Variants in TWSG1 observed in about 807,000 individuals in gnomAD.
TWSG1 encodes the protein twisted gastrulation BMP signaling modulator 1.
In TWSG1, 15 loss-of-function variants were observed where a neutral mutation model predicts 23.0. That is an observed-to-expected ratio of 0.65 (90% CI 0.44 to 1.00). The LOEUF is 1.00. Among genes scored for constraint, TWSG1 ranks in the 50% least tolerant of loss-of-function variants. The pLI is 0.00. For missense variants in TWSG1, 242 were observed against 278.7 expected (o/e 0.87, Z 0.94); for synonymous variants, 86 against 92.8 (o/e 0.93, Z 0.42).
At chr18:9,375,324 A>G (rs1215548086) in intron 3 of TWSG1, among the ~76,000 whole-genome samples, 1 of 152,220 alleles carries the variant, frequency 6.6e-6, no homozygotes, top group Non-Finnish European at 1.5e-5. Context: ...AACTAGGACT[A>G]GAGGGAAACT....
In TWSG1 at chr18:9,385,551, C is replaced by T. The variant is rs2040678204; in HGVS notation, c.224-10729C>T. Among the ~76,000 whole-genome samples, 4 of 94,414 alleles carry T rather than the reference C, an allele frequency of 4.2e-5. 2 individuals are homozygous for T. Among genetic ancestry groups the T allele is most frequent in the Admixed American group, 2.1e-4 (2 of 9,556 alleles). The allele number at this position is 94,414 out of a possible 152,430, so 61.9% of individuals were successfully genotyped here. On this transcript the variant is annotated intron_variant, in intron 3 of 4. Transcript: ENST00000262120. ...AAAAATACAAAAAATTAGCCGGGCG[C>T]GGTGGCGGGCGCCTGTAGTCCCAGC...
At chr18:9,339,556 A>G (rs912749850) in intron 2 of TWSG1, among the ~76,000 whole-genome samples, 3 of 152,154 alleles carry the variant, frequency 2.0e-5, no homozygotes, top group African/African-American at 7.2e-5. Context: ...TTCTGAGCTC[A>G]AGCAATCTGC....
At chr18:9,340,367 CAAAAAAAAAAAA>C (rs775837207) in intron 2 of TWSG1, among the ~76,000 whole-genome samples, 10 of 67,098 alleles carry the variant, frequency 1.5e-4, no homozygotes, top group Admixed American at 3.9e-4. Context: ...GACTCCATTT[CAAAAAAAAAAAA>C]AAAAAAAAAA....
chr18:9,387,507 G>A (rs185566443), intron 3 of TWSG1, among the ~76,000 whole-genome samples: 66 of 152,114 alleles, frequency 4.3e-4, no homozygotes, highest in Middle Eastern at 3.4e-3. Flanking sequence ...TGGCTCATGC[G>A]TAATCCCAGC....
intron 2 of TWSG1, among the ~76,000 whole-genome samples, chr18:9,342,827 C>A (rs1319053826): frequency 6.6e-6 from 1 of 152,064 alleles, no homozygotes; most frequent in African/African-American, 2.4e-5. Flanking sequence ...CCTAAGAAAG[C>A]CTGTGTGGAA....
chr18:9,360,125 C>A, intron 3 of TWSG1, 54 bp downstream of exon 3: 2 of 1,345,598 alleles, frequency 1.5e-6, no homozygotes, highest in Non-Finnish European at 1.1e-6. Context: ...GAATCCTTGG[C>A]TTTAAGAGAC....
chr18:9,351,480 G>T (rs1387769365), intron 2 of TWSG1, among the ~76,000 whole-genome samples: 1 of 151,934 alleles, frequency 6.6e-6, no homozygotes, highest in Admixed American at 6.5e-5. Flanking sequence ...TTCAGTTTTA[G>T]GTTAAAAGTA....
At chr18:9,344,078 T>G (rs1407053441) in intron 2 of TWSG1, among the ~76,000 whole-genome samples, 4 of 152,080 alleles carry the variant, frequency 2.6e-5, no homozygotes, top group African/African-American at 9.7e-5. Flanking sequence ...TTAAAAAAAT[T>G]TTTTGTGTGT....
intron 3 of TWSG1, among the ~76,000 whole-genome samples, chr18:9,372,411 T>C (rs1172999329): frequency 6.7e-6 from 1 of 149,948 alleles, no homozygotes; most frequent in Non-Finnish European, 1.5e-5. Context: ...GTTATGTGAA[T>C]GTGATCTCTG....
intron 3 of TWSG1, among the ~76,000 whole-genome samples, chr18:9,373,837 A>C (rs1217515159): frequency 1.3e-5 from 2 of 152,250 alleles, no homozygotes; most frequent in African/African-American, 4.8e-5. Context: ...ATTTAAAAGA[A>C]TAGAAATCCT....
chr18:9,389,412 A>T (rs1331730189), intron 3 of TWSG1, among the ~76,000 whole-genome samples: 1 of 152,246 alleles, frequency 6.6e-6, no homozygotes, highest in Non-Finnish European at 1.5e-5. Flanking sequence ...AGTAGTAGAC[A>T]TGAAATCAGG....
chr18:9,390,248 C>T (rs1029334926), intron 3 of TWSG1, among the ~76,000 whole-genome samples: 1 of 151,910 alleles, frequency 6.6e-6, no homozygotes, highest in African/African-American at 2.4e-5. Context: ...GCAACCTCCG[C>T]CCCTCCAGGT....
chr18:9,383,281 C>T (rs147606490), intron 3 of TWSG1, among the ~76,000 whole-genome samples: 1,583 of 151,040 alleles, frequency 0.01, 30 homozygotes, highest in African/African-American at 0.037. Flanking sequence ...GCAGACTCCG[C>T]CTCCCAGGTT....
At chr18:9,393,620 C>G (rs1037260603) in intron 3 of TWSG1, among the ~76,000 whole-genome samples, 4 of 152,130 alleles carry the variant, frequency 2.6e-5, no homozygotes, top group African/African-American at 9.7e-5. Flanking sequence ...TGCAGTGGCA[C>G]AGTCATAGTT....
intron 3 of TWSG1, among the ~76,000 whole-genome samples, chr18:9,370,452 A>G (rs1279700692): frequency 6.6e-6 from 1 of 152,216 alleles, no homozygotes; most frequent in Non-Finnish European, 1.5e-5. Flanking sequence ...ATTTCACTGA[A>G]CACATATACC....
chr18:9,376,963 G>A (rs1006933794), intron 3 of TWSG1, among the ~76,000 whole-genome samples: 3 of 151,842 alleles, frequency 2.0e-5, no homozygotes, highest in Non-Finnish European at 4.4e-5. Context: ...TTAACAGTAT[G>A]TTTACACTGT....
At chr18:9,339,951 A>C (rs537116422) in intron 2 of TWSG1, among the ~76,000 whole-genome samples, 1 of 152,336 alleles carries the variant, frequency 6.6e-6, no homozygotes, top group African/African-American at 2.4e-5. Flanking sequence ...TTCAGTCACA[A>C]ATTCATGGAT....
intron 3 of TWSG1, 108 bp from the exon 4 acceptor site, chr18:9,396,166 AAAAGGT>A: frequency 3.5e-6 from 3 of 856,466 alleles, no homozygotes; most frequent in Non-Finnish European, 5.2e-6. Context: ...AAAAAAAAAA[AAAAGGT>A]AGGAAAATAT....
chr18:9,397,060 CA>C (rs11390051), intron 4 of TWSG1: 155 of 144,020 alleles, frequency 1.1e-3, no homozygotes, highest in South Asian at 1.5e-3. Context: ...TCCGTCTCAC[CA>C]AAAAAAAAAA....
Sources: gnomAD v4.1 joint callset for allele counts (sites outside exome capture counted in the v4.1 genomes callset) on GRCh38, gnomAD v4.1.1 for gene constraint, MANE v1.5 for transcripts, NCBI Gene and HGNC (gene_info 2026-07-23, HGNC 2026-07-21) for gene names.